The following CNTNAP5 variants were observed in gnomAD, a reference collection of about 807,000 sequenced individuals.
The protein encoded by CNTNAP5 is contactin associated protein family member 5, also known as contactin-associated protein-like 5.
Under a neutral mutation model 150.2 loss-of-function variants are expected in CNTNAP5, and 72 were observed. The ratio of observed to expected loss-of-function variants is 0.48; its 90% CI spans 0.40 to 0.58. The LOEUF is 0.58. Among genes scored for constraint, CNTNAP5 ranks in the 20% least tolerant of loss-of-function variants. The pLI is 0.00. For synonymous variants in CNTNAP5, 672 were observed against 619.8 expected (o/e 1.08, Z -1.25); for missense variants, 1,636 against 1,626.2 (o/e 1.01, Z -0.10).
chr2:124,200,102 A>C (rs757419491), intron 1 of CNTNAP5, among the ~76,000 whole-genome samples: 1 of 152,214 alleles, frequency 6.6e-6, no homozygotes, highest in Non-Finnish European at 1.5e-5. Flanking sequence ...TGTTTGCTCT[A>C]GATTGGCATA....
chr2:124,046,559 A>C (rs1224112741), intron 1 of CNTNAP5, among the ~76,000 whole-genome samples: 1 of 152,152 alleles, frequency 6.6e-6, no homozygotes, highest in Admixed American at 6.5e-5. Context: ...CCTTTGCATC[A>C]GAAAGAAGGT....
intron 1 of CNTNAP5, among the ~76,000 whole-genome samples, chr2:124,184,362 G>A (rs1440421127): frequency 2.0e-5 from 3 of 152,204 alleles, no homozygotes; most frequent in Non-Finnish European, 2.9e-5. Flanking sequence ...TTAGCATGGT[G>A]AAGCAGCACG....
intron 16 of CNTNAP5, among the ~76,000 whole-genome samples, chr2:124,769,830 T>C (rs947436203): frequency 1.3e-5 from 2 of 152,150 alleles, no homozygotes; most frequent in Admixed American, 6.5e-5. Context: ...GTCAGCTTAC[T>C]TAGGTACAGC....
intron 6 of CNTNAP5, among the ~76,000 whole-genome samples, chr2:124,456,314 T>A (rs1693118447): frequency 6.6e-6 from 1 of 151,580 alleles, no homozygotes; most frequent in Non-Finnish European, 1.5e-5. Context: ...ATAACTGCAA[T>A]AAATAAATAA....
chr2:124,273,968 T>C (rs2104615779), intron 3 of CNTNAP5, among the ~76,000 whole-genome samples: 2 of 152,314 alleles, frequency 1.3e-5, no homozygotes, highest in Admixed American at 1.3e-4. Flanking sequence ...GGCATTGGCC[T>C]GGAGAAATAT....
intron 1 of CNTNAP5, among the ~76,000 whole-genome samples, chr2:124,064,315 A>G (rs1171899790): frequency 1.3e-5 from 2 of 152,132 alleles, no homozygotes; most frequent in Non-Finnish European, 2.9e-5. Flanking sequence ...CACTCGCTAT[A>G]GGGTTCCCAT....
intron 10 of CNTNAP5, among the ~76,000 whole-genome samples, chr2:124,528,857 T>G (rs1441821598): frequency 1.3e-5 from 2 of 152,166 alleles, no homozygotes; most frequent in Non-Finnish European, 2.9e-5. Flanking sequence ...GGCAGGTGAC[T>G]GCCCCAGTTC....
chr2:124,439,094 C>G (rs566599348), intron 5 of CNTNAP5, among the ~76,000 whole-genome samples: 24 of 151,934 alleles, frequency 1.6e-4, no homozygotes, highest in Non-Finnish European at 3.2e-4. Flanking sequence ...ATCAGGCAAA[C>G]AATATGTATG....
intron 3 of CNTNAP5, among the ~76,000 whole-genome samples, chr2:124,275,185 C>A (rs1687856947): frequency 6.6e-6 from 1 of 152,052 alleles, no homozygotes. Flanking sequence ...TGGGTCCCTC[C>A]CATGACATGT....
chr2:124,758,748 A>G (rs1285993502), intron 14 of CNTNAP5, among the ~76,000 whole-genome samples: 3 of 152,096 alleles, frequency 2.0e-5, no homozygotes, highest in Non-Finnish European at 4.4e-5. Flanking sequence ...GCAAGCAGAA[A>G]GAGTGGGAGA....
intron 12 of CNTNAP5, among the ~76,000 whole-genome samples, chr2:124,629,150 C>T (rs191017867): frequency 3.9e-5 from 6 of 152,208 alleles, no homozygotes; most frequent in Non-Finnish European, 8.8e-5. Flanking sequence ...AGATAGATCA[C>T]GGAGACAGAA....
chr2:124,672,836 A>G (rs1245302952), intron 13 of CNTNAP5, among the ~76,000 whole-genome samples: 1 of 152,192 alleles, frequency 6.6e-6, no homozygotes, highest in Non-Finnish European at 1.5e-5. Flanking sequence ...AGAAATATAA[A>G]TAATTTCTCA....
At chr2:124,726,164 G>A (rs11899152) in intron 13 of CNTNAP5, among the ~76,000 whole-genome samples, 71,600 of 151,496 alleles carry the variant, frequency 0.47, 17,462 homozygotes, top group Non-Finnish European at 0.53. Context: ...CAGCCATTCA[G>A]ACAGGTCTGA....
chr2:124,660,936 TGG>T (rs1678574175), intron 13 of CNTNAP5, among the ~76,000 whole-genome samples: 1 of 115,530 alleles, frequency 8.7e-6, no homozygotes, highest in African/African-American at 3.4e-5. Context: ...AGAGTGAGAC[TGG>T]GTCTCAAAAA....
At chr2:124,759,764 A>G (rs1680918245) in intron 14 of CNTNAP5, among the ~76,000 whole-genome samples, 1 of 151,998 alleles carries the variant, frequency 6.6e-6, no homozygotes, top group Non-Finnish European at 1.5e-5. Flanking sequence ...AATAAAAACA[A>G]GATTGCAGAT....
chr2:124,195,045 A>AT (rs986700707), intron 1 of CNTNAP5, among the ~76,000 whole-genome samples: 11 of 103,966 alleles, frequency 1.1e-4, no homozygotes, highest in South Asian at 3.2e-4. Context: ...TCAGAATTAA[A>AT]TAAAAAAAAA....
intron 21 of CNTNAP5, among the ~76,000 whole-genome samples, chr2:124,884,541 C>A (rs1031319049): frequency 6.6e-6 from 1 of 151,974 alleles, no homozygotes; most frequent in Admixed American, 6.6e-5. Context: ...AATGCATTGC[C>A]TTGGAGCCAC....
At chr2:124,032,223 GA>G (rs1289475430) in intron 1 of CNTNAP5, among the ~76,000 whole-genome samples, 1 of 152,126 alleles carries the variant, frequency 6.6e-6, no homozygotes, top group Non-Finnish European at 1.5e-5. Flanking sequence ...TATGCTCTTT[GA>G]GGAAAAACAA....
At chr2:124,564,878 T>C (rs1326187212) in intron 11 of CNTNAP5, among the ~76,000 whole-genome samples, 2 of 152,148 alleles carry the variant, frequency 1.3e-5, no homozygotes, top group Non-Finnish European at 2.9e-5. Flanking sequence ...AAGATAAACA[T>C]TTTCTAGACG....
Sources: gnomAD v4.1 joint callset for allele counts (sites outside exome capture counted in the v4.1 genomes callset) on GRCh38, gnomAD v4.1.1 for gene constraint, MANE v1.5 for transcripts, NCBI Gene and HGNC (gene_info 2026-07-23, HGNC 2026-07-21) for gene names.